Variants in HOOK3 observed in about 807,000 individuals in gnomAD.
HOOK3 encodes the protein protein Hook homolog 3.
A neutral mutation model predicts 116.3 loss-of-function variants in HOOK3; 24 were observed. The observed-to-expected ratio is 0.21, with a 90% CI of 0.15 to 0.29. HOOK3 has a LOEUF of 0.29. Ranked by LOEUF, HOOK3 falls within the 10% of genes least tolerant of loss-of-function variation. The probability of loss-of-function intolerance (pLI) is 1.00; values close to 1 mark genes in which losing one functional copy is unlikely to be tolerated. For missense variants in HOOK3, 632 were observed against 830.2 expected (o/e 0.76, Z 2.93); for synonymous variants, 275 against 283.0 (o/e 0.97, Z 0.28).
chr8:42,988,208 C>T (rs1357964628), intron 15 of HOOK3, among the ~76,000 whole-genome samples: 1 of 152,104 alleles, frequency 6.6e-6, no homozygotes, highest in African/African-American at 2.4e-5. Context: ...TTAAAGTACT[C>T]AGAAAAAGTG....
chr8:42,911,148 C>G (rs1807420122), intron 2 of HOOK3, among the ~76,000 whole-genome samples: 1 of 152,140 alleles, frequency 6.6e-6, no homozygotes, highest in African/African-American at 2.4e-5. Flanking sequence ...AGAGCTGTGT[C>G]TTTATTCTAA....
chr8:42,964,558 G>A, intron 9 of HOOK3, 84 bp downstream of exon 9: 1 of 1,240,558 alleles, frequency 8.1e-7, no homozygotes, highest in Admixed American at 2.2e-5. Context: ...CAGGCACATT[G>A]GTCCATGCCT....
At chr8:42,927,659 T>C (rs957255857) in intron 3 of HOOK3, among the ~76,000 whole-genome samples, 1 of 151,968 alleles carries the variant, frequency 6.6e-6, no homozygotes, top group Non-Finnish European at 1.5e-5. Flanking sequence ...GGATAGAGTA[T>C]AGTGGCACAG....
chr8:42,995,856 T>G (rs1052578274), intron 15 of HOOK3, among the ~76,000 whole-genome samples: 1 of 152,214 alleles, frequency 6.6e-6, no homozygotes, highest in Non-Finnish European at 1.5e-5. Flanking sequence ...TGTCCCTTTC[T>G]ATTTCAGGCA....
chr8:42,940,348 GGC>G (rs1808085765), intron 4 of HOOK3, among the ~76,000 whole-genome samples: 1 of 152,232 alleles, frequency 6.6e-6, no homozygotes, highest in Non-Finnish European at 1.5e-5. Flanking sequence ...CAGGCGTGGC[GGC>G]GCGCGCCCGC....
At chr8:43,001,404 C>G (rs2096951613) in intron 16 of HOOK3, among the ~76,000 whole-genome samples, 1 of 151,870 alleles carries the variant, frequency 6.6e-6, no homozygotes, top group South Asian at 2.1e-4. Flanking sequence ...ATTATATAAC[C>G]ATTTATCTCA....
At chr8:42,897,507 G>C (rs1403323283) in intron 1 of HOOK3, among the ~76,000 whole-genome samples, 1 of 152,112 alleles carries the variant, frequency 6.6e-6, no homozygotes, top group Non-Finnish European at 1.5e-5. Flanking sequence ...TCCAGGACCC[G>C]CCGCCGCTCC....
At chr8:42,982,538 T>G (rs1586621059) in intron 13 of HOOK3, 89 bp from the exon 14 acceptor site, 3 of 861,246 alleles carry the variant, frequency 3.5e-6, no homozygotes, top group East Asian at 2.5e-5. Context: ...TTTTTGCTGT[T>G]AAAATTAATG....
chr8:43,012,016 G>A (rs1809623289), intron 19 of HOOK3, among the ~76,000 whole-genome samples: 1 of 152,136 alleles, frequency 6.6e-6, no homozygotes, highest in Non-Finnish European at 1.5e-5. Flanking sequence ...AAGAAATGGG[G>A]CCACAGTGAT....
At chr8:42,996,547 G>A (rs1407947794) in intron 15 of HOOK3, among the ~76,000 whole-genome samples, 3 of 152,152 alleles carry the variant, frequency 2.0e-5, no homozygotes, top group African/African-American at 7.2e-5. Context: ...ACAGGGTTGT[G>A]CTGATCTCCT....
intron 14 of HOOK3, among the ~76,000 whole-genome samples, chr8:42,986,158 CAA>C (rs1033151978): frequency 6.6e-6 from 1 of 152,082 alleles, no homozygotes; most frequent in Non-Finnish European, 1.5e-5. Flanking sequence ...ATACAGAGTC[CAA>C]AACAGTGCAG....
At chr8:43,016,801 A>T (rs1809725712) in intron 21 of HOOK3, among the ~76,000 whole-genome samples, 1 of 152,242 alleles carries the variant, frequency 6.6e-6, no homozygotes, top group Non-Finnish European at 1.5e-5. Flanking sequence ...AGTTGAGTTT[A>T]AAAACATATT....
intron 21 of HOOK3, among the ~76,000 whole-genome samples, chr8:43,014,801 A>G (rs1321461827): frequency 3.2e-4 from 48 of 152,298 alleles, no homozygotes; most frequent in Admixed American, 2.9e-3. Context: ...TCAAAAATTC[A>G]TAAATTTCAT....
chr8:42,937,558 T>C (rs920692170), intron 4 of HOOK3, among the ~76,000 whole-genome samples: 9 of 152,166 alleles, frequency 5.9e-5, no homozygotes, highest in Non-Finnish European at 1.2e-4. Context: ...AACACTGCTT[T>C]AGCTGTGTCC....
intron 8 of HOOK3, among the ~76,000 whole-genome samples, chr8:42,963,658 TAC>T (rs1808577420): frequency 6.6e-6 from 1 of 152,230 alleles, no homozygotes; most frequent in African/African-American, 2.4e-5. Context: ...CAACATTTGG[TAC>T]AGTCAGTCTT....
intron 2 of HOOK3, among the ~76,000 whole-genome samples, chr8:42,918,573 C>A (rs1370209592): frequency 6.6e-6 from 1 of 151,948 alleles, no homozygotes; most frequent in South Asian, 2.1e-4. Context: ...AGGGCCCTGC[C>A]GCCTTCCGCA....
At chr8:43,008,663 A>ATTTTTATTTTTT (rs1563313428) in intron 18 of HOOK3, among the ~76,000 whole-genome samples, 2 of 131,460 alleles carry the variant, frequency 1.5e-5, no homozygotes, top group Admixed American at 7.5e-5. Flanking sequence ...TTTTATTTTT[A>ATTTTTATTTTTT]TTTTTTTTTT....
At position 42,925,621 on chromosome 8, in the gene HOOK3, A is replaced by T; in HGVS notation, c.208A>T (p.Arg70Trp). 6.3e-7 allele frequency: 1 copy of T among 1,587,722 alleles called. No individual in the cohort carries two copies. Among genetic ancestry groups the T allele is most frequent in the Non-Finnish European group, 8.6e-7 (1 of 1,159,612 alleles). Residue 70 changes from arginine to tryptophan, a missense_variant, in exon 3 of 22, where the codon AGG (arginine) becomes TGG (tryptophan). Arg to Trp is a moderately radical substitution (Grantham distance 101). Around this residue, in one of 3 missense-constraint regions of HOOK3, gnomAD observed 141 missense variants for 150.8 expected, o/e 0.93. Coordinates refer to ENST00000307602, the MANE Select transcript of HOOK3 (RefSeq NM_032410.4). ...RIKTEVGDNWRLKISNLKKIL... is the reference protein window; with the variant it reads ...RIKTEVGDNWWLKISNLKKIL... ...CAAAACTGAAGTAGGAGATAATTGG[A>T]GGCTAAAGGTATTTTATTTTTCCAC...
chr8:42,922,186 A>T (rs1182917999), intron 2 of HOOK3, among the ~76,000 whole-genome samples: 2 of 152,208 alleles, frequency 1.3e-5, no homozygotes, highest in African/African-American at 4.8e-5. Flanking sequence ...ACTCTCGATT[A>T]GGCAGGAGCT....
Sources: allele counts gnomAD v4.1 joint callset (sites outside exome capture counted in the v4.1 genomes callset), GRCh38; gene constraint gnomAD v4.1.1; regional missense constraint gnomAD v4.1.1; transcripts MANE v1.5; gene names NCBI Gene and HGNC (gene_info 2026-07-23, HGNC 2026-07-21).